The following SRP68 variants were observed in gnomAD, a reference collection of about 807,000 sequenced individuals.
SRP68 encodes signal recognition particle 68.
Under a neutral mutation model 82.2 loss-of-function variants are expected in SRP68, and 15 were observed. That is an observed-to-expected ratio of 0.18 (90% CI 0.12 to 0.28). The LOEUF is 0.28. Ranked by LOEUF, SRP68 falls within the 10% of genes least tolerant of loss-of-function variation. SRP68 has a pLI of 1.00. For missense variants in SRP68, 595 were observed against 780.5 expected (o/e 0.76, Z 2.83); for synonymous variants, 261 against 292.6 (o/e 0.89, Z 1.10).
rs575067315 is a variant in SRP68 at position 76,053,392 on chromosome 17, G to A, written c.979-2866C>T. The stretch of plus-strand genomic sequence containing the variant: ...ACATGCCAACACCCTTCTCAGACAA[G>A]TGGGGTTAAGTGGTTGGAGCAACCG... On this transcript the variant is annotated intron_variant, in intron 8 of 15. Transcript: ENST00000307877. The A allele has an allele frequency of 3.4e-5, 30 of 882,232 alleles. No homozygotes were observed. In the South Asian group the frequency reaches 1.5e-3, roughly 43 times the overall value. The allele number at this position is 882,232 out of a possible 1,614,324, so 54.7% of individuals were successfully genotyped here.
chr17:76,053,516 CCACGTAT>C (rs2066690836), intron 8 of SRP68: 1 of 985,232 alleles, frequency 1.0e-6, no homozygotes, highest in Non-Finnish European at 1.2e-6. Context: ...CTCTTGACTG[CCACGTAT>C]CACCTCTGCT....
chr17:76,067,193 C>T (rs1393905633), intron 3 of SRP68, 24 bp downstream of exon 3: 1 of 1,543,476 alleles, frequency 6.5e-7, no homozygotes, highest in Non-Finnish European at 9.0e-7. Context: ...AAGTAATTTG[C>T]AACTAGCATG....
In SRP68 at chr17:76,045,392, C is replaced by A. The variant is rs374676466; in HGVS notation, c.1300-6G>T. The A allele has an allele frequency of 1.3e-6, 2 of 1,581,696 alleles. No individual in the cohort carries two copies. The highest frequency in any genetic ancestry group is 2.7e-5 in the African/African-American group (2 of 73,784). On this transcript the variant is annotated splice_polypyrimidine_tract_variant and splice_region_variant and intron_variant, in intron 11 of 15. Transcript: ENST00000307877. ...TGGAGCAATTCCACCAGATTCTGTA[C>A]AACAGATGCAACAAGAAAATTCATG... is the stretch of plus-strand genomic sequence containing the variant.
intron 8 of SRP68, among the ~76,000 whole-genome samples, chr17:76,052,376 A>G (rs932825930): frequency 4.6e-5 from 7 of 152,168 alleles, no homozygotes; most frequent in African/African-American, 1.7e-4. Context: ...GCCGCCATAT[A>G]ATACTCAGCA....
intron 4 of SRP68, among the ~76,000 whole-genome samples, chr17:76,062,744 T>TAAAATATATATATATATATATATAAA (rs1367786250): frequency 1.4e-5 from 1 of 74,066 alleles, no homozygotes; most frequent in African/African-American, 8.1e-5. Flanking sequence ...TATATATATA[T>TAAAATATATATATATATATATATAAA]ATATATATAT....
In SRP68 at chr17:76,043,759, C is replaced by G; in HGVS notation, c.1524+70G>C. 8 of 1,488,068 alleles carry G rather than the reference C, an allele frequency of 5.4e-6. No individual in the cohort carries two copies. The South Asian group carries it at 1.1e-4, about 20-fold the overall frequency. 92.2% of individuals were successfully genotyped at this position (1,488,068 alleles called of 1,614,324 possible). On this transcript the variant is annotated intron_variant, in intron 13 of 15. Coordinates refer to ENST00000307877, the MANE Select transcript of SRP68 (RefSeq NM_014230.4). ...TGAGGTGGCGCCCAGCTGTTGTACC[C>G]TCACAGCTCCTCCACAGCTGACTCC...
chr17:76,062,047 G>A (rs576539372), intron 4 of SRP68, among the ~76,000 whole-genome samples: 1 of 152,210 alleles, frequency 6.6e-6, no homozygotes, highest in African/African-American at 2.4e-5. Flanking sequence ...AACACTGGGA[G>A]GCCGAGGTGA....
intron 10 of SRP68, among the ~76,000 whole-genome samples, chr17:76,047,079 C>T (rs1290277088): frequency 1.3e-5 from 2 of 152,148 alleles, no homozygotes; most frequent in Non-Finnish European, 2.9e-5. Context: ...GGAAATGAGG[C>T]AAGGGCCGCA....
intron 7 of SRP68, among the ~76,000 whole-genome samples, chr17:76,058,634 T>C (rs1053586371): frequency 6.6e-5 from 10 of 152,140 alleles, no homozygotes; most frequent in Non-Finnish European, 7.3e-5. Context: ...TAAAAGGACA[T>C]AGCGGAAGGT....
intron 2 of SRP68, among the ~76,000 whole-genome samples, chr17:76,068,456 A>G (rs2666000): frequency 0.41 from 58,694 of 142,920 alleles, 11,748 homozygotes; most frequent in Admixed American, 0.53. Context: ...ACTGTGTCTG[A>G]AAAAAAAAAA....
intron 3 of SRP68, among the ~76,000 whole-genome samples, chr17:76,065,437 C>CAAA (rs11338515): frequency 2.5e-5 from 2 of 78,964 alleles, no homozygotes; most frequent in African/African-American, 5.2e-5. Flanking sequence ...GACCCTGTCT[C>CAAA]AAAAAAAAAA....
intron 3 of SRP68, among the ~76,000 whole-genome samples, chr17:76,065,489 C>T (rs1477323382): frequency 6.7e-6 from 1 of 150,090 alleles, no homozygotes; most frequent in Non-Finnish European, 1.5e-5. Context: ...CCAACTGGTT[C>T]TCATGAGATT....
intron 8 of SRP68, among the ~76,000 whole-genome samples, chr17:76,051,577 C>A (rs1252758772): frequency 1.3e-5 from 2 of 152,224 alleles, no homozygotes; most frequent in Middle Eastern, 6.8e-3. Flanking sequence ...CTTAAGAAAG[C>A]TTTTCTTAAA....
intron 8 of SRP68, among the ~76,000 whole-genome samples, chr17:76,055,562 T>G (rs2066707177): frequency 6.6e-6 from 1 of 151,568 alleles, no homozygotes. Context: ...GAGACCATCC[T>G]GGCTAACATG....
intron 3 of SRP68, among the ~76,000 whole-genome samples, chr17:76,066,463 A>T (rs76763815): frequency 9.3e-4 from 138 of 149,038 alleles, no homozygotes; most frequent in Admixed American, 1.3e-3. Flanking sequence ...AAAAAAAAAA[A>T]ACACACCACT....
At chr17:76,048,719 C>G (rs1019149367) in intron 9 of SRP68, 2 of 152,258 alleles carry the variant, frequency 1.3e-5, no homozygotes, top group African/African-American at 4.8e-5. Flanking sequence ...GATTTCTGAC[C>G]TCGAGAAGCG....
rs781093453 is a variant in SRP68 at position 76,064,091 on chromosome 17, G to A, written c.446C>T (p.Pro149Leu). The change falls in exon 4 of 16, where the codon CCC becomes CTC. Residue 149 changes from proline to leucine, a missense_variant. Transcript: ENST00000307877. ...MQLKQEANTEPRKRFHLLSRL... is the reference protein window; with the variant it reads ...MQLKQEANTELRKRFHLLSRL... ...AGATAACAAGTGAAACCGTTTTCGG[G>A]GTTCAGTGTTGGCTTCCTGTTTCAG... 2 of 1,614,190 alleles carry A rather than the reference G, an allele frequency of 1.2e-6. No individual in the cohort carries two copies. Among genetic ancestry groups the A allele is most frequent in the Admixed American group, 3.3e-5 (2 of 60,016 alleles).
rs16968440 is a variant in SRP68, at chr17:76,039,610, A to G, written c.*96T>C. On this transcript the variant is annotated 3_prime_UTR_variant, in exon 16 of 16. Transcript: ENST00000307877. The stretch of plus-strand genomic sequence containing the variant: ...GATGTTAAACTCTTGCCCCGGGCCA[A>G]TGCAGACCTGGATTTAATATCATGG... 7,918 of 1,252,576 alleles carry G rather than the reference A, an allele frequency of 6.3e-3. 265 individuals are homozygous for G. The African/African-American group carries it at 0.088, about 14-fold the overall frequency. 77.6% of individuals were successfully genotyped at this position (1,252,576 alleles called of 1,614,324 possible).
Position 76,072,224 on chromosome 17 carries a change from G to T in SRP68, c.184+84C>A. ...CCCTCGGCCTCTCCTGCCAGGACTT[G>T]TCGGGACCCGCCGCCTCTCCCGCCC... On this transcript the variant is annotated intron_variant, in intron 1 of 15. Coordinates refer to ENST00000307877, the MANE Select transcript of SRP68 (RefSeq NM_014230.4). The surrounding 1 kb of genome is among the most constrained non-coding windows in gnomAD (Gnocchi z 4.5). 6.3e-7 allele frequency: 1 copy of T among 1,596,060 alleles called. No homozygotes were observed.
Sources: gnomAD v4.1 joint callset for allele counts (sites outside exome capture counted in the v4.1 genomes callset) on GRCh38, gnomAD v4.1.1 for gene constraint, Gnocchi (gnomAD v3.1) non-coding constraint, MANE v1.5 for transcripts, NCBI Gene and HGNC (gene_info 2026-07-23, HGNC 2026-07-21) for gene names.